The following AKAP9 variants were observed in gnomAD, a reference collection of about 807,000 sequenced individuals.
The protein encoded by AKAP9 is A-kinase anchor protein 9.
Under a neutral mutation model 488.5 loss-of-function variants are expected in AKAP9, and 311 were observed. That is an observed-to-expected ratio of 0.64 (90% confidence interval 0.58 to 0.70). The LOEUF (loss-of-function observed/expected upper bound fraction) is 0.70. AKAP9 is among the 30% of genes least tolerant of loss of function. AKAP9 has a pLI of 0.00. For missense variants in AKAP9, 4,215 were observed against 4,374.5 expected, an observed-to-expected ratio of 0.96 and a Z score of 1.03; for synonymous variants, 1,462 against 1,483.5, an observed-to-expected ratio of 0.99 and a Z score of 0.33.
intron 1 of AKAP9, among the ~76,000 whole-genome samples, chr7:91,956,196 C>G (rs1792975452): frequency 6.6e-6 from 1 of 151,442 alleles, no homozygotes; most frequent in Non-Finnish European, 1.5e-5. Context: ...GTCAGGAGAT[C>G]GAGACCATCC....
At position 92,096,826 on chromosome 7, in the gene AKAP9, A is replaced by G. The variant is rs61757675; in HGVS notation, c.9867A>G (p.Ser3289=). Residue 3289 remains serine, a synonymous_variant, in exon 41 of 50, where the codon TCA becomes TCG. Coordinates refer to ENST00000356239, the MANE Select transcript of AKAP9 (RefSeq NM_005751.5). ...SQRMLYDAQL[S]EEQGRNLELQ... ...GAATGCTATATGATGCCCAGTTGTCAGAAGAACAAGGTCGAAACTTAGAGC... is the reference window on the plus strand; with the variant it reads ...GAATGCTATATGATGCCCAGTTGTCGGAAGAACAAGGTCGAAACTTAGAGC... The G allele has an allele frequency of 4.5e-5, 72 of 1,614,106 alleles. No homozygotes were observed. The highest frequency in any genetic ancestry group is 5.8e-5 in the Non-Finnish European group (69 of 1,180,046).
At position 92,002,953 on chromosome 7, in the gene AKAP9, T is replaced by C; in HGVS notation, c.3036T>C (p.Cys1012=). Residue 1012 remains cysteine (C), a synonymous_variant, in exon 8 of 50, where the codon TGT becomes TGC. Coordinates refer to ENST00000356239, the MANE Select transcript of AKAP9 (RefSeq NM_005751.5). The stretch of plus-strand genomic sequence containing the variant: ...ACAGGGCAGAAAATGTACAGTCATG[T>C]GATACTCAAGTAAGCTCTTTATTAG... ...NHNRAENVQS[C]DTQVSSLLDG... is the part of the protein sequence containing the mutation. 1 of 1,613,148 alleles carries C rather than the reference T, an allele frequency of 6.2e-7. No homozygotes were observed. The highest frequency in any genetic ancestry group is 8.5e-7 in the Non-Finnish European group (1 of 1,179,594).
At chr7:92,087,933 G>A (rs1814883634) in intron 37 of AKAP9, among the ~76,000 whole-genome samples, 1 of 151,658 alleles carries the variant, frequency 6.6e-6, no homozygotes, top group African/African-American at 2.4e-5. Context: ...ATGACAGCTA[G>A]TAAATGTAGA....
At chr7:91,988,526 T>A (rs1240150985) in intron 3 of AKAP9, among the ~76,000 whole-genome samples, 1 of 152,164 alleles carries the variant, frequency 6.6e-6, no homozygotes, top group Non-Finnish European at 1.5e-5. Context: ...ATAACTTCAC[T>A]GCAATGCCAT....
Position 92,000,789 on chromosome 7 carries a change from A to G in AKAP9, c.931-59A>G, listed in dbSNP as rs1286531045. The G allele has an allele frequency of 3.6e-6, 3 of 840,850 alleles. No individual in the cohort carries two copies. The East Asian group carries it at 8.3e-5, about 23-fold the overall frequency. 52.1% of individuals were successfully genotyped at this position (840,850 alleles called of 1,614,324 possible). ...CAGTCTTTTGGTAATGAGATGAAGCAGTATAATTTGCCAGAAGCTAAAAAT... is the reference window on the plus strand; with the variant it reads ...CAGTCTTTTGGTAATGAGATGAAGCGGTATAATTTGCCAGAAGCTAAAAAT... On this transcript the variant is annotated intron_variant, in intron 7 of 49. Coordinates refer to ENST00000356239, the MANE Select transcript of AKAP9 (RefSeq NM_005751.5).
intron 43 of AKAP9, 101 bp from the exon 44 acceptor site, chr7:92,099,586 C>T (rs567800631): frequency 8.8e-7 from 1 of 1,137,124 alleles, no homozygotes; most frequent in Admixed American, 1.7e-5. Context: ...ACTCAAGCAC[C>T]AATTCATGAA....
intron 3 of AKAP9, among the ~76,000 whole-genome samples, chr7:91,981,603 CTTTTTTT>C (rs532220900): frequency 1.2e-3 from 123 of 106,632 alleles, no homozygotes; most frequent in Admixed American, 2.4e-3. Flanking sequence ...TCTTGTATTT[CTTTTTTT>C]TTTTTTTTTT....
At chr7:92,104,193 T>A (rs998769424) in intron 46 of AKAP9, among the ~76,000 whole-genome samples, 5 of 136,602 alleles carry the variant, frequency 3.7e-5, no homozygotes, top group Admixed American at 7.1e-5. Flanking sequence ...TTTATTTATT[T>A]TTTTTTTTTT....
Position 92,102,581 on chromosome 7 carries a change from T to G in AKAP9, c.11098-13T>G, listed in dbSNP as rs76709221. 643 of 1,609,134 alleles carry G rather than the reference T, an allele frequency of 4.0e-4. 2 individuals carry two copies. The African/African-American group carries it at 7.6e-3, about 19-fold the overall frequency. On this transcript the variant is annotated splice_polypyrimidine_tract_variant and intron_variant, in intron 45 of 49. Coordinates refer to ENST00000356239, the MANE Select transcript of AKAP9 (RefSeq NM_005751.5). The stretch of plus-strand genomic sequence containing the variant: ...TCTTAATGTCTTTACATTCTTCTCT[T>G]CCCTAAATATAGAGAATTTATGGTA...
chr7:92,065,244 G>T lies in AKAP9; in HGVS notation c.5991G>T (p.Glu1997Asp), dbSNP rs765704985. Residue 1997 changes from glutamate (E) to aspartate (D), a missense_variant, in exon 25 of 50, where the codon GAG (glutamate) becomes GAT (aspartate). Glu to Asp is a conservative substitution (Grantham distance 45). Coordinates refer to ENST00000356239, the MANE Select transcript of AKAP9 (RefSeq NM_005751.5). ...ATTAATAAACAGAATTACTACAGGA[G>T]ACAGAAAAATTAATGAAGGAAAAAC... is the stretch of plus-strand genomic sequence containing the variant. The part of the protein sequence containing the change: ...AGPVEQQLLQ[E>D]TEKLMKEKLE... The T allele has an allele frequency of 6.2e-7, 1 of 1,602,808 alleles. No individual in the cohort carries two copies. The highest frequency in any genetic ancestry group is 8.5e-7 in the Non-Finnish European group (1 of 1,171,264).
At chr7:92,074,700 A>G (rs1468281023) in intron 28 of AKAP9, among the ~76,000 whole-genome samples, 1 of 152,210 alleles carries the variant, frequency 6.6e-6, no homozygotes, top group Non-Finnish European at 1.5e-5. Context: ...GGATGAGTTC[A>G]TGTCCTTTGC....
At chr7:92,018,048 TAGCTAATAA>T (rs1288069376) in intron 12 of AKAP9, among the ~76,000 whole-genome samples, 1 of 152,176 alleles carries the variant, frequency 6.6e-6, no homozygotes, top group Non-Finnish European at 1.5e-5. Context: ...TACATTAACT[TAGCTAATAA>T]AATAAATGAA....
intron 14 of AKAP9, 57 bp from the exon 15 acceptor site, chr7:92,029,838 T>C: frequency 4.2e-6 from 6 of 1,413,968 alleles, no homozygotes; most frequent in Middle Eastern, 3.5e-4. Context: ...AGATTTTGCA[T>C]GAACACTAAA....
At position 91,940,883 on chromosome 7, in the gene AKAP9, TGGCGGC is replaced by T. The variant is rs371245265; in HGVS notation, c.-205_-200del. 5 of 601,708 alleles carry T rather than the reference TGGCGGC, an allele frequency of 8.3e-6. No homozygotes were observed. Among genetic ancestry groups the T allele is most frequent in the African/African-American group, 5.6e-5 (3 of 53,650 alleles). The allele number at this position is 601,708 out of a possible 1,614,324, so 37.3% of individuals were successfully genotyped here. A position where few individuals can be genotyped will look rare whatever the true frequency, so the allele number is the denominator to read the frequency against. ...CCGTGTGTTTACGTGGAGACGAAGATGGCGGCGGCGGCGGCGGTGACGGCGCTTCCC... is the reference window on the plus strand; with the variant it reads ...CCGTGTGTTTACGTGGAGACGAAGATGGCGGCGGCGGTGACGGCGCTTCCC... On this transcript the variant is annotated 5_prime_UTR_variant, in exon 1 of 50. Coordinates refer to ENST00000356239, the MANE Select transcript of AKAP9 (RefSeq NM_005751.5).
At chr7:91,947,693 A>T (rs1791644430) in intron 1 of AKAP9, among the ~76,000 whole-genome samples, 1 of 152,234 alleles carries the variant, frequency 6.6e-6, no homozygotes, top group African/African-American at 2.4e-5. Context: ...CTGTTGGAAT[A>T]ATCTTATGAT....
intron 22 of AKAP9, among the ~76,000 whole-genome samples, chr7:92,058,647 A>G (rs1358007820): frequency 5.3e-5 from 8 of 152,068 alleles, no homozygotes; most frequent in African/African-American, 1.9e-4. Flanking sequence ...TTGTTTAAAA[A>G]GATCCCGCTT....
chr7:92,105,563 G>C, intron 46 of AKAP9, 115 bp from the exon 47 acceptor site: 2 of 809,790 alleles, frequency 2.5e-6, no homozygotes, highest in Non-Finnish European at 4.3e-6. Context: ...CTGGGCAATT[G>C]TGAAATTTGA....
In AKAP9 at chr7:92,108,448, A is replaced by G. The variant is rs372601521; in HGVS notation, c.11547-46A>G. On this transcript the variant is annotated intron_variant, in intron 48 of 49. Coordinates refer to ENST00000356239, the MANE Select transcript of AKAP9 (RefSeq NM_005751.5). ...GGAGGCAGGTTGGTAACTTATATGC[A>G]TATTTCTGGATAACTTGATTCATGT... is the stretch of plus-strand genomic sequence containing the variant. The G allele has an allele frequency of 3.2e-5, 52 of 1,608,160 alleles. No individual in the cohort carries two copies. The South Asian group carries it at 4.0e-4, about 12-fold the overall frequency.
intron 14 of AKAP9, among the ~76,000 whole-genome samples, chr7:92,029,587 A>G (rs1263718982): frequency 6.6e-6 from 1 of 152,130 alleles, no homozygotes; most frequent in Non-Finnish European, 1.5e-5. Flanking sequence ...TTTGAGATCA[A>G]CCTATGTAAC....
Sources: gnomAD v4.1 joint callset for allele counts (sites outside exome capture counted in the v4.1 genomes callset) on GRCh38, gnomAD v4.1.1 for gene constraint, MANE v1.5 for transcripts, NCBI Gene and HGNC (gene_info 2026-07-23, HGNC 2026-07-21) for gene names.